Variants in SCAI observed in about 807,000 individuals in gnomAD.
SCAI encodes the protein suppressor of cancer cell invasion.
In SCAI, 24 loss-of-function variants were observed where a neutral mutation model predicts 92.2. The observed-to-expected ratio is 0.26, with a 90% CI of 0.19 to 0.37. SCAI has a LOEUF of 0.37. SCAI is among the 10% of genes least tolerant of loss of function. SCAI has a pLI of 1.00. For synonymous variants in SCAI, 261 were observed against 258.6 expected, an observed-to-expected ratio of 1.01 and a Z score of -0.09; for missense variants, 450 against 736.2, an observed-to-expected ratio of 0.61 and a Z score of 4.50.
chr9:124,991,974 T>C (rs1832137923), intron 14 of SCAI, among the ~76,000 whole-genome samples: 1 of 152,222 alleles, frequency 6.6e-6, no homozygotes, highest in Non-Finnish European at 1.5e-5. Context: ...TGGAATGCAG[T>C]GGCACGATCG....
intron 7 of SCAI, among the ~76,000 whole-genome samples, chr9:125,019,600 G>A (rs1200571142): frequency 2.0e-5 from 3 of 151,994 alleles, no homozygotes; most frequent in African/African-American, 7.3e-5. Context: ...AAGATTTCGA[G>A]AGCAGCCTAG....
intron 3 of SCAI, among the ~76,000 whole-genome samples, chr9:125,043,915 C>A (rs768481617): frequency 1.3e-5 from 2 of 152,250 alleles, no homozygotes; most frequent in Non-Finnish European, 2.9e-5. Flanking sequence ...GGGAGCCCAG[C>A]GCTCCTGGGT....
chr9:125,125,909 T>TATACAC (rs149303657), intron 2 of SCAI, among the ~76,000 whole-genome samples: 3 of 137,910 alleles, frequency 2.2e-5, no homozygotes, highest in African/African-American at 5.5e-5. Context: ...TGCGTACACG[T>TATACAC]ACACACACAC....
intron 2 of SCAI, among the ~76,000 whole-genome samples, chr9:125,085,170 T>C (rs1012502425): frequency 3.3e-5 from 5 of 152,168 alleles, no homozygotes; most frequent in African/African-American, 1.2e-4. Context: ...GGAACATCAA[T>C]AGACTTTAAA....
chr9:125,043,361 A>G (rs2131113656), intron 3 of SCAI, among the ~76,000 whole-genome samples: 1 of 152,346 alleles, frequency 6.6e-6, no homozygotes, highest in Non-Finnish European at 1.5e-5. Context: ...TCATGTGTAT[A>G]CGAGACCAAA....
intron 2 of SCAI, among the ~76,000 whole-genome samples, chr9:125,098,237 T>G (rs1834606186): frequency 6.6e-6 from 1 of 151,990 alleles, no homozygotes; most frequent in Admixed American, 6.6e-5. Flanking sequence ...TTTTATTTTT[T>G]GGAGAGACTG....
chr9:125,056,990 G>A (rs1198687983), intron 2 of SCAI, among the ~76,000 whole-genome samples: 74 of 152,110 alleles, frequency 4.9e-4, no homozygotes, highest in Non-Finnish European at 2.9e-5. Context: ...AAGCTGCCAT[G>A]TAAAAACAGA....
At chr9:124,973,618 G>A (rs981879550) in intron 15 of SCAI, among the ~76,000 whole-genome samples, 3 of 152,154 alleles carry the variant, frequency 2.0e-5, no homozygotes, top group Admixed American at 6.6e-5. Context: ...AGATCACGAG[G>A]TCAGGAGTTT....
At chr9:125,119,392 T>C (rs1225987847) in intron 2 of SCAI, among the ~76,000 whole-genome samples, 4 of 152,194 alleles carry the variant, frequency 2.6e-5, no homozygotes, top group Non-Finnish European at 5.9e-5. Flanking sequence ...TAGGCAGCAA[T>C]ATTGTTGTCC....
intron 3 of SCAI, among the ~76,000 whole-genome samples, chr9:125,043,548 A>G (rs979690584): frequency 7.9e-5 from 12 of 151,658 alleles, no homozygotes; most frequent in Non-Finnish European, 1.8e-4. Context: ...GCAGCCTCAA[A>G]CTCCTGGGCT....
intron 3 of SCAI, among the ~76,000 whole-genome samples, chr9:125,040,618 TG>T (rs1400573833): frequency 6.6e-6 from 1 of 151,090 alleles, no homozygotes; most frequent in East Asian, 2.0e-4. Context: ...ACTTTTTCCC[TG>T]TTTTGTTTAT....
Position 125,020,627 on chromosome 9 carries a change from A to G in SCAI, c.609+46T>C, listed in dbSNP as rs540821437. On this transcript the variant is annotated intron_variant, in intron 7 of 17. Coordinates refer to ENST00000336505, the MANE Select transcript of SCAI (RefSeq NM_001144877.3). ...CTGTTTTTTAAAAATAAGATCATCC[A>G]TATACAACTAGAGATTAGAATTTGA... 19 of 816,634 alleles carry G rather than the reference A, an allele frequency of 2.3e-5. No homozygotes were observed. The East Asian group carries it at 5.2e-4, about 22-fold the overall frequency. 50.6% of individuals were successfully genotyped at this position (816,634 alleles called of 1,614,324 possible).
At position 124,950,117 on chromosome 9, in the gene SCAI, A is replaced by G. The variant is rs185401576; in HGVS notation, c.*2690T>C. 8.4e-4 allele frequency: 128 copies of G among 152,296 alleles called. No individual in the cohort carries two copies. The highest frequency in any genetic ancestry group is 2.9e-3 in the African/African-American group (122 of 41,574). 9.4% of individuals were successfully genotyped at this position (152,296 alleles called of 1,614,324 possible). On this transcript the variant is annotated 3_prime_UTR_variant, in exon 18 of 18. Coordinates refer to ENST00000336505, the MANE Select transcript of SCAI (RefSeq NM_001144877.3). The stretch of plus-strand genomic sequence containing the variant: ...CTCTGTCTGTACTAGTTTCTAAAAC[A>G]GCTAAGTGGGACCCAGATTTTCTTG...
chr9:125,105,468 T>C (rs1834757161), intron 2 of SCAI, among the ~76,000 whole-genome samples: 1 of 152,250 alleles, frequency 6.6e-6, no homozygotes, highest in African/African-American at 2.4e-5. Context: ...TCAAGTGTAG[T>C]ATCTGTTCTT....
In SCAI at chr9:124,952,800, T is replaced by G. The variant is rs755265066; in HGVS notation, c.*7A>C. The stretch of plus-strand genomic sequence containing the variant: ...TGAAAACTTGTTTCGACAACAGGGT[T>G]TTTGTTTTAATAGTCATCAATGGTA... On this transcript the variant is annotated 3_prime_UTR_variant, in exon 18 of 18. Transcript: ENST00000336505. The G allele has an allele frequency of 6.2e-7, 1 of 1,600,340 alleles. No homozygotes were observed. Among genetic ancestry groups the G allele is most frequent in the Non-Finnish European group, 8.5e-7 (1 of 1,173,952 alleles).
intron 17 of SCAI, among the ~76,000 whole-genome samples, chr9:124,967,590 A>T (rs542332634): frequency 4.2e-4 from 63 of 151,798 alleles, no homozygotes; most frequent in African/African-American, 1.5e-3. Flanking sequence ...CTTTCTTGTC[A>T]TTGGAAGTTT....
intron 17 of SCAI, among the ~76,000 whole-genome samples, chr9:124,961,961 T>G (rs1387722815): frequency 6.6e-6 from 1 of 151,476 alleles, no homozygotes; most frequent in Non-Finnish European, 1.5e-5. Context: ...CAGTGGCACC[T>G]GGGAACTTGT....
chr9:125,075,408 TTTC>T (rs1044753021), intron 2 of SCAI, among the ~76,000 whole-genome samples: 3 of 151,958 alleles, frequency 2.0e-5, no homozygotes, highest in African/African-American at 4.8e-5. Context: ...TGTTTCATTC[TTTC>T]TTTTTTTTTT....
intron 14 of SCAI, among the ~76,000 whole-genome samples, chr9:124,987,036 G>T (rs1832007194): frequency 6.6e-6 from 1 of 152,144 alleles, no homozygotes; most frequent in Non-Finnish European, 1.5e-5. Context: ...CAAAATGACT[G>T]AGGGCCTTTT....
Sources: allele counts gnomAD v4.1 joint callset (sites outside exome capture counted in the v4.1 genomes callset), GRCh38; gene constraint gnomAD v4.1.1; transcripts MANE v1.5; gene names NCBI Gene and HGNC (gene_info 2026-07-23, HGNC 2026-07-21).